The following RNF217 variants were observed in gnomAD, a reference collection of about 807,000 sequenced individuals.
RNF217 encodes ring finger protein 217, also known as E3 ubiquitin-protein ligase RNF217.
Under a neutral mutation model 57.8 loss-of-function variants are expected in RNF217, and 31 were observed. That is an observed-to-expected ratio of 0.54 (90% CI 0.40 to 0.72). RNF217 has a LOEUF of 0.72. Among genes scored for constraint, RNF217 ranks in the 30% least tolerant of loss-of-function variants. RNF217 has a pLI of 0.00. For synonymous variants in RNF217, 313 were observed against 294.0 expected (o/e 1.06, Z -0.66); for missense variants, 696 against 708.3 (o/e 0.98, Z 0.20).
In RNF217 at chr6:125,041,824, A is replaced by C. The variant is rs992530959; in HGVS notation, c.883-3387A>C. Among the ~76,000 whole-genome samples the C allele has an allele frequency of 2.0e-5, 3 of 152,142 alleles. No individual in the cohort carries two copies. The South Asian group carries it at 6.2e-4, about 32-fold the overall frequency. ...CCTCTTATCTTTCCAGAAGTCCATCACACTACCTAGCCCATAAAAACCACA... is the reference window on the plus strand; with the variant it reads ...CCTCTTATCTTTCCAGAAGTCCATCCCACTACCTAGCCCATAAAAACCACA... On this transcript the variant is annotated intron_variant, in intron 1 of 5. Transcript: ENST00000521654.
chr6:125,004,055 G>A (rs1328480902), intron 1 of RNF217, among the ~76,000 whole-genome samples: 1 of 46,794 alleles, frequency 2.1e-5, no homozygotes, highest in South Asian at 2.2e-3. Context: ...CTTTAAATGA[G>A]GGGTTACAGT....
At chr6:125,013,812 A>G (rs1785508922) in intron 1 of RNF217, among the ~76,000 whole-genome samples, 2 of 152,164 alleles carry the variant, frequency 1.3e-5, no homozygotes, top group South Asian at 4.1e-4. Flanking sequence ...CCAAATCCCC[A>G]TTCTTCTGTC....
At chr6:124,984,541 C>CAAAAAAAA (rs750251821) in intron 1 of RNF217, among the ~76,000 whole-genome samples, 10 of 74,130 alleles carry the variant, frequency 1.3e-4, no homozygotes, top group Admixed American at 3.0e-4. Context: ...GACCCTTTCT[C>CAAAAAAAA]AAAAAAAAAA....
rs1785340115 is a variant in RNF217 at position 125,009,527 on chromosome 6, T to A, written c.883-35684T>A. On this transcript the variant is annotated intron_variant, in intron 1 of 5. Transcript: ENST00000521654. ...ACCATGAAGAGCTATATCAATGTAC[T>A]CATTTATTATGATGATAGGATGTTG... 7.7e-6 allele frequency: 3 copies of A among 387,700 alleles called. No individual in the cohort carries two copies. The Admixed American group carries it at 1.3e-4, about 17-fold the overall frequency. The allele number at this position is 387,700 out of a possible 1,614,324, so 24.0% of individuals were successfully genotyped here. A position where few individuals can be genotyped will look rare whatever the true frequency, so the allele number is the denominator to read the frequency against.
At chr6:124,982,825 T>C (rs1276511787) in intron 1 of RNF217, among the ~76,000 whole-genome samples, 1 of 152,202 alleles carries the variant, frequency 6.6e-6, no homozygotes. Flanking sequence ...CTTTATGGTA[T>C]GTGAAAGTAA....
intron 1 of RNF217, chr6:125,009,217 A>G: frequency 6.2e-7 from 1 of 1,600,410 alleles, no homozygotes; most frequent in Non-Finnish European, 8.5e-7. Flanking sequence ...TAGGAGAATC[A>G]AAGCTGTTGT....
chr6:125,088,019 T>TC lies in RNF217; in HGVS notation c.*5082_*5083insC, dbSNP rs1416418418. ...GGAAAATAAGTTACAAAATTCTTTT[T>TC]TTTTTTTTTTTTTTTTTGAGACAGA... On this transcript the variant is annotated 3_prime_UTR_variant, in exon 6 of 6. Coordinates refer to ENST00000521654, the MANE Select transcript of RNF217 (RefSeq NM_001286398.3). 1 of 145,906 alleles carries TC rather than the reference T, an allele frequency of 6.9e-6. No individual in the cohort carries two copies. Among genetic ancestry groups the TC allele is most frequent in the Non-Finnish European group, 1.5e-5 (1 of 66,350 alleles). 9.0% of individuals were successfully genotyped at this position (145,906 alleles called of 1,614,324 possible). A position where few individuals can be genotyped will look rare whatever the true frequency, so the allele number is the denominator to read the frequency against.
intron 1 of RNF217, among the ~76,000 whole-genome samples, chr6:124,974,528 G>A (rs1467767962): frequency 2.0e-5 from 3 of 152,088 alleles, no homozygotes; most frequent in African/African-American, 7.2e-5. Context: ...CAAGGTGTCA[G>A]GGTCAGCTTC....
rs537858965 is a variant in RNF217, at chr6:125,051,721, T to A, written c.1117-6221T>A. Among the ~76,000 whole-genome samples, 3 of 152,212 alleles carry A rather than the reference T, an allele frequency of 2.0e-5. No homozygotes were observed. The South Asian group carries it at 6.2e-4, about 32-fold the overall frequency. On this transcript the variant is annotated intron_variant, in intron 2 of 5. Transcript: ENST00000521654. ...CACAGAGAATATTCCCATTTCCTTATGTACACTTAACACAGTGGACCTCTT... is the reference window on the plus strand; with the variant it reads ...CACAGAGAATATTCCCATTTCCTTAAGTACACTTAACACAGTGGACCTCTT...
At chr6:124,988,708 G>A (rs575738286) in intron 1 of RNF217, among the ~76,000 whole-genome samples, 1 of 152,174 alleles carries the variant, frequency 6.6e-6, no homozygotes, top group African/African-American at 2.4e-5. Context: ...TTCTCAATTT[G>A]TTTAATCTTT....
intron 4 of RNF217, among the ~76,000 whole-genome samples, chr6:125,080,487 A>G (rs1788532936): frequency 6.6e-6 from 1 of 152,082 alleles, no homozygotes; most frequent in African/African-American, 2.4e-5. Context: ...AATTTATAGA[A>G]TGATATTGCT....
At position 124,979,651 on chromosome 6, in the gene RNF217, A is replaced by C. The variant is rs565971382; in HGVS notation, c.882+16225A>C. 6.6e-5 allele frequency among the ~76,000 whole-genome samples: 10 copies of C among 152,268 alleles called. No individual in the cohort carries two copies. The South Asian group carries it at 2.1e-3, about 32-fold the overall frequency. On this transcript the variant is annotated intron_variant, in intron 1 of 5. Transcript: ENST00000521654. ...GGGAATCTGAAAGAGATGACTTACA[A>C]AGGTAATAGGGTCAGATAGTATAGA...
In RNF217 at chr6:125,084,688, A is replaced by T. The variant is rs1009428455; in HGVS notation, c.*1751A>T. On this transcript the variant is annotated 3_prime_UTR_variant, in exon 6 of 6. Transcript: ENST00000521654. The stretch of plus-strand genomic sequence containing the variant: ...GAATAACACAGAATAACTGTGCTAC[A>T]GCTTCTGGATTAGTTGTCTATTTCC... 2 of 152,022 alleles carry T rather than the reference A, an allele frequency of 1.3e-5. No homozygotes were observed. Among genetic ancestry groups the T allele is most frequent in the Admixed American group, 6.6e-5 (1 of 15,246 alleles). The allele number at this position is 152,022 out of a possible 1,614,324, so 9.4% of individuals were successfully genotyped here.
In RNF217 at chr6:125,083,010, C is replaced by A; in HGVS notation, c.*73C>A. 3.9e-6 allele frequency: 4 copies of A among 1,026,182 alleles called. No homozygotes were observed. The South Asian group carries it at 5.1e-5, about 13-fold the overall frequency. The allele number at this position is 1,026,182 out of a possible 1,614,324, so 63.6% of individuals were successfully genotyped here. A position where few individuals can be genotyped will look rare whatever the true frequency, so the allele number is the denominator to read the frequency against. ...CCAAAGGGTACACCCATCTGTGAGT[C>A]ACATCTTGAAAAACACTGAGAGGAA... is the stretch of plus-strand genomic sequence containing the variant. On this transcript the variant is annotated 3_prime_UTR_variant, in exon 6 of 6. Coordinates refer to ENST00000521654, the MANE Select transcript of RNF217 (RefSeq NM_001286398.3).
chr6:124,974,064 C>G (rs1783863630), intron 1 of RNF217, among the ~76,000 whole-genome samples: 2 of 152,160 alleles, frequency 1.3e-5, no homozygotes, highest in Admixed American at 1.3e-4. Flanking sequence ...GCTGGCCTCC[C>G]CCGGAGCCAG....
At chr6:125,032,571 C>A (rs556525682) in intron 1 of RNF217, among the ~76,000 whole-genome samples, 2 of 151,914 alleles carry the variant, frequency 1.3e-5, no homozygotes, top group African/African-American at 4.8e-5. Context: ...TAAAAAAGGA[C>A]AAAATATGTA....
At chr6:125,072,761 A>G (rs894482700) in intron 3 of RNF217, among the ~76,000 whole-genome samples, 1 of 152,210 alleles carries the variant, frequency 6.6e-6, no homozygotes, top group Non-Finnish European at 1.5e-5. Flanking sequence ...GAGAGCTGAC[A>G]TGTTTGTCTG....
At chr6:125,022,910 T>C (rs1450309476) in intron 1 of RNF217, among the ~76,000 whole-genome samples, 1 of 152,132 alleles carries the variant, frequency 6.6e-6, no homozygotes, top group Non-Finnish European at 1.5e-5. Flanking sequence ...ACACTATCTC[T>C]ATTAACCTCT....
At chr6:125,033,198 T>G (rs79280246) in intron 1 of RNF217, among the ~76,000 whole-genome samples, 4 of 143,342 alleles carry the variant, frequency 2.8e-5, no homozygotes, top group Non-Finnish European at 6.1e-5. Context: ...TTCTGTGTTC[T>G]TTTTTTTTTT....
Sources: allele counts gnomAD v4.1 joint callset (sites outside exome capture counted in the v4.1 genomes callset), GRCh38; gene constraint gnomAD v4.1.1; transcripts MANE v1.5; gene names NCBI Gene and HGNC (gene_info 2026-07-23, HGNC 2026-07-21).